CDK6: variants seen among roughly 807,000 people sequenced by gnomAD.
CDK6 encodes the protein cyclin-dependent kinase 6.
Under a neutral mutation model 37.1 loss-of-function variants are expected in CDK6, and 6 were observed. The ratio of observed to expected loss-of-function variants is 0.16; its 90% CI spans 0.09 to 0.32. The LOEUF (loss-of-function observed/expected upper bound fraction) is 0.32. CDK6 is among the 10% of genes least tolerant of loss of function. The probability of loss-of-function intolerance (pLI) is 1.00; values close to 1 mark genes in which losing one functional copy is unlikely to be tolerated. For synonymous variants in CDK6, 160 were observed against 161.3 expected (o/e 0.99, Z 0.06); for missense variants, 224 against 418.9 (o/e 0.53, Z 4.06).
chr7:92,673,648 C>G (rs543444297), intron 4 of CDK6, among the ~76,000 whole-genome samples: 2 of 152,272 alleles, frequency 1.3e-5, no homozygotes, highest in South Asian at 4.1e-4. Flanking sequence ...GGTTTTTAAC[C>G]CTGCCTGTTC....
chr7:92,680,261 C>T (rs1176309042), intron 4 of CDK6, among the ~76,000 whole-genome samples: 11 of 149,572 alleles, frequency 7.4e-5, no homozygotes, highest in East Asian at 2.0e-4. Context: ...GGTGAAACCC[C>T]GTCTCTACTA....
intron 3 of CDK6, among the ~76,000 whole-genome samples, chr7:92,736,875 C>T (rs987949708): frequency 6.6e-6 from 1 of 152,008 alleles, no homozygotes; most frequent in Non-Finnish European, 1.5e-5. Context: ...AAACAAAAAG[C>T]AAGGGGAAAA....
At chr7:92,811,170 C>T (rs781096972) in intron 2 of CDK6, among the ~76,000 whole-genome samples, 1 of 151,976 alleles carries the variant, frequency 6.6e-6, no homozygotes, top group African/African-American at 2.4e-5. Flanking sequence ...ATAGAATTTC[C>T]ACAGGTCTCC....
intron 3 of CDK6, among the ~76,000 whole-genome samples, chr7:92,737,100 TAATGTGTAAACCTCCCAGTTTGGGTAAAC>T (rs1367486241): frequency 6.6e-6 from 1 of 152,116 alleles, no homozygotes; most frequent in East Asian, 1.9e-4. Context: ...GAACTAAAAA[TAATGTGTAAACCTCCCAGTTTGGGTAAAC>T]AATGTGTAAA....
intron 4 of CDK6, among the ~76,000 whole-genome samples, chr7:92,701,434 C>CT (rs1225190179): frequency 1.3e-5 from 2 of 150,098 alleles, no homozygotes; most frequent in Non-Finnish European, 3.0e-5. Context: ...GAGACGGAGT[C>CT]TCGCTCTGTC....
intron 2 of CDK6, among the ~76,000 whole-genome samples, chr7:92,780,985 A>G (rs1799977267): frequency 6.6e-6 from 1 of 152,222 alleles, no homozygotes; most frequent in South Asian, 2.1e-4. Context: ...GAAAAATGTA[A>G]TCACAATGTA....
At chr7:92,642,720 A>G (rs1229734690) in intron 5 of CDK6, among the ~76,000 whole-genome samples, 1 of 152,022 alleles carries the variant, frequency 6.6e-6, no homozygotes, top group Admixed American at 6.6e-5. Context: ...TCATTTTACA[A>G]TTGAGGAAAC....
chr7:92,707,421 C>T (rs896685345), intron 4 of CDK6, among the ~76,000 whole-genome samples: 6 of 152,186 alleles, frequency 3.9e-5, no homozygotes, highest in Non-Finnish European at 8.8e-5. Flanking sequence ...AGCCGTTATA[C>T]TGCTTTTTGA....
chr7:92,653,946 T>G (rs920235822), intron 5 of CDK6, among the ~76,000 whole-genome samples: 1 of 152,152 alleles, frequency 6.6e-6, no homozygotes, highest in Non-Finnish European at 1.5e-5. Context: ...CTATTCTTTA[T>G]CCTTCATGTT....
At chr7:92,799,996 C>T (rs78366656) in intron 2 of CDK6, among the ~76,000 whole-genome samples, 7,653 of 152,214 alleles carry the variant, frequency 0.05, 271 homozygotes, top group Non-Finnish European at 0.08. Context: ...CCATCACTAT[C>T]CTCTCACTCA....
intron 4 of CDK6, among the ~76,000 whole-genome samples, chr7:92,686,192 A>G (rs1205564923): frequency 1.3e-5 from 2 of 152,112 alleles, no homozygotes; most frequent in African/African-American, 4.8e-5. Context: ...TACATGAGTA[A>G]GTTCTTTAGC....
At position 92,608,498 on chromosome 7, in the gene CDK6, GAAAATAAA is replaced by G. The variant is rs977310536; in HGVS notation, c.*6634_*6641del. On this transcript the variant is annotated 3_prime_UTR_variant, in exon 8 of 8. Transcript: ENST00000424848. ...TCACCATCACATATATAGAATGATGGAAAATAAAAAAATAAAAAAAAATTCCTGCAATT... is the reference window on the plus strand; with the variant it reads ...TCACCATCACATATATAGAATGATGGAAAATAAAAAAAAATTCCTGCAATT... 1 of 230,102 alleles carries G rather than the reference GAAAATAAA, an allele frequency of 4.3e-6. No homozygotes were observed. The highest frequency in any genetic ancestry group is 2.2e-5 in the African/African-American group (1 of 45,028). The allele number at this position is 230,102 out of a possible 1,614,324, so 14.3% of individuals were successfully genotyped here.
intron 2 of CDK6, among the ~76,000 whole-genome samples, chr7:92,777,680 T>C (rs1267187951): frequency 6.6e-6 from 1 of 152,258 alleles, no homozygotes; most frequent in Non-Finnish European, 1.5e-5. Flanking sequence ...CCTCCAGCTT[T>C]GTTCTTTTTG....
rs946369328 is a variant in CDK6, at chr7:92,827,271, T to G, written c.233+5820A>C. On this transcript the variant is annotated intron_variant, in intron 2 of 7. Coordinates refer to ENST00000424848, the MANE Select transcript of CDK6 (RefSeq NM_001145306.2). The stretch of plus-strand genomic sequence containing the variant: ...ATTCTAATTCTACTGAACTAAATCC[T>G]TTAGGAAGGCCAGAGAATAGGAATA... Among the ~76,000 whole-genome samples the G allele has an allele frequency of 3.9e-5, 6 of 152,196 alleles. No homozygotes were observed. In the East Asian group the frequency reaches 5.8e-4, roughly 15 times the overall value.
chr7:92,793,993 CT>C (rs1379728879), intron 2 of CDK6, among the ~76,000 whole-genome samples: 1 of 151,956 alleles, frequency 6.6e-6, no homozygotes, highest in Non-Finnish European at 1.5e-5. Context: ...GAATCAAGCG[CT>C]TTAAATGGGT....
At chr7:92,748,832 A>T (rs1033021374) in intron 3 of CDK6, among the ~76,000 whole-genome samples, 2 of 152,134 alleles carry the variant, frequency 1.3e-5, no homozygotes, top group Non-Finnish European at 2.9e-5. Context: ...CCCATTCCCC[A>T]TCCACACCTA....
intron 3 of CDK6, among the ~76,000 whole-genome samples, chr7:92,771,782 TAAAG>T (rs1416654567): frequency 6.6e-6 from 1 of 152,198 alleles, no homozygotes; most frequent in Non-Finnish European, 1.5e-5. Context: ...GCATTCTATA[TAAAG>T]AATCAATTTC....
chr7:92,752,813 A>G (rs907489839), intron 3 of CDK6, among the ~76,000 whole-genome samples: 19 of 152,140 alleles, frequency 1.2e-4, no homozygotes, highest in Non-Finnish European at 2.8e-4. Flanking sequence ...TAATTGGCTC[A>G]TCATTGTTCA....
chr7:92,684,935 T>C (rs1797415194), intron 4 of CDK6, among the ~76,000 whole-genome samples: 1 of 152,150 alleles, frequency 6.6e-6, no homozygotes, highest in African/African-American at 2.4e-5. Flanking sequence ...GACGACATTA[T>C]CTAGATTTTA....
Sources: allele counts gnomAD v4.1 joint callset (sites outside exome capture counted in the v4.1 genomes callset), GRCh38; gene constraint gnomAD v4.1.1; transcripts MANE v1.5; gene names NCBI Gene and HGNC (gene_info 2026-07-23, HGNC 2026-07-21).